TPO: variants seen among roughly 807,000 people sequenced by gnomAD.
TPO encodes thyroid peroxidase.
Under a neutral mutation model 96.9 loss-of-function variants are expected in TPO, and 78 were observed. That is an observed-to-expected ratio of 0.81 (90% CI 0.67 to 0.97). The LOEUF (loss-of-function observed/expected upper bound fraction) is 0.97. Among genes scored for constraint, TPO ranks in the 50% least tolerant of loss-of-function variants. The probability of loss-of-function intolerance (pLI) is 0.00; values close to 1 mark genes in which losing one functional copy is unlikely to be tolerated. For missense variants in TPO, 1,252 were observed against 1,274.8 expected, an observed-to-expected ratio of 0.98 and a Z score of 0.27; for synonymous variants, 547 against 538.0, an observed-to-expected ratio of 1.02 and a Z score of -0.23.
intron 5 of TPO, among the ~76,000 whole-genome samples, chr2:1,441,974 A>G (rs1666239680): frequency 6.6e-6 from 1 of 152,170 alleles, no homozygotes; most frequent in South Asian, 2.1e-4. Flanking sequence ...TCATGGGGGC[A>G]GGTCTTTCTT....
chr2:1,447,450 G>A (rs995675709), intron 5 of TPO, among the ~76,000 whole-genome samples: 32 of 152,210 alleles, frequency 2.1e-4, no homozygotes, highest in African/African-American at 7.5e-4. Flanking sequence ...TTTGATTGAT[G>A]TCTTGTGTCT....
chr2:1,438,779 AT>A (rs3036132), intron 5 of TPO: 134,174 of 629,456 alleles, frequency 0.21, 1,925 homozygotes, highest in Middle Eastern at 0.27. Flanking sequence ...TTAACTGGAG[AT>A]TTTTTTTTTT....
At chr2:1,506,030 TC>T (rs1193484015) in intron 14 of TPO, among the ~76,000 whole-genome samples, 2 of 151,218 alleles carry the variant, frequency 1.3e-5, no homozygotes, top group East Asian at 3.9e-4. Flanking sequence ...ATGCTATCCT[TC>T]CCCCCTCCCC....
At chr2:1,465,948 A>T (rs535642205) in intron 7 of TPO, among the ~76,000 whole-genome samples, 3 of 152,236 alleles carry the variant, frequency 2.0e-5, no homozygotes, top group Admixed American at 6.5e-5. Flanking sequence ...GAGTGGTGAG[A>T]GTAGGCATCC....
At chr2:1,394,167 T>C (rs189105341) in intron 1 of TPO, among the ~76,000 whole-genome samples, 2 of 152,346 alleles carry the variant, frequency 1.3e-5, no homozygotes. Context: ...TAGCACGATA[T>C]GGAGTTGTCC....
chr2:1,483,388 C>G (rs1364336976), intron 8 of TPO, among the ~76,000 whole-genome samples: 1 of 152,134 alleles, frequency 6.6e-6, no homozygotes, highest in South Asian at 2.1e-4. Context: ...TGTCTCAGTC[C>G]CTGGGCTAAA....
In TPO at chr2:1,543,623, T is replaced by C. The variant is rs1680946536; in HGVS notation, c.*1149T>C. The C allele has an allele frequency of 6.6e-6, 1 of 152,210 alleles. No individual in the cohort carries two copies. 9.4% of individuals were successfully genotyped at this position (152,210 alleles called of 1,614,324 possible). A position where few individuals can be genotyped will look rare whatever the true frequency, so the allele number is the denominator to read the frequency against. ...TCTGTGTGTTCCCAAACTCTTAGTT[T>C]TGTTCATGTAAAACTCATGATTTCA... On this transcript the variant is annotated 3_prime_UTR_variant, in exon 17 of 17. Coordinates refer to ENST00000329066, the MANE Select transcript of TPO (RefSeq NM_001206744.2).
chr2:1,520,058 C>T (rs1346427678), intron 15 of TPO, among the ~76,000 whole-genome samples: 8 of 152,126 alleles, frequency 5.3e-5, no homozygotes, highest in Non-Finnish European at 8.8e-5. Flanking sequence ...TGCCATCACA[C>T]GCTTGAGAAC....
At chr2:1,445,970 G>A (rs954637802) in intron 5 of TPO, among the ~76,000 whole-genome samples, 2 of 152,200 alleles carry the variant, frequency 1.3e-5, no homozygotes, top group Non-Finnish European at 2.9e-5. Flanking sequence ...GTACCATGTT[G>A]GATAAGTGGC....
chr2:1,521,653 T>C lies in TPO; in HGVS notation c.2618+4671T>C, dbSNP rs116038800. 5.2e-3 allele frequency among the ~76,000 whole-genome samples: 795 copies of C among 152,164 alleles called. 8 individuals carry two copies. Among genetic ancestry groups the C allele is most frequent in the African/African-American group, 0.018 (763 of 41,504 alleles). On this transcript the variant is annotated intron_variant, in intron 15 of 16. Coordinates refer to ENST00000329066, the MANE Select transcript of TPO (RefSeq NM_001206744.2). ...AAGTCCGAGAGAACTGGCCCTTTGC[T>C]GGGGGACAGACGTAGAGTGGCCAGC...
At chr2:1,493,632 G>A (rs181975706) in intron 10 of TPO, among the ~76,000 whole-genome samples, 170 bp from the exon 11 acceptor site, 1,617 of 142,380 alleles carry the variant, frequency 0.011, 81 homozygotes, top group African/African-American at 0.047. Flanking sequence ...GACTCTGCCG[G>A]GCGTCGGAGC....
At chr2:1,427,205 G>A (rs72776203) in intron 3 of TPO, among the ~76,000 whole-genome samples, 34,374 of 152,200 alleles carry the variant, frequency 0.23, 4,118 homozygotes, top group Admixed American at 0.34. Flanking sequence ...GGGGAGGGGG[G>A]CCCTGTGCCT....
chr2:1,455,571 TA>T (rs773202251), intron 6 of TPO, among the ~76,000 whole-genome samples: 1 of 152,126 alleles, frequency 6.6e-6, no homozygotes, highest in Non-Finnish European at 1.5e-5. Flanking sequence ...GGAACGGTGT[TA>T]AACATAACAG....
intron 7 of TPO, among the ~76,000 whole-genome samples, chr2:1,469,153 C>T (rs1443523326): frequency 6.6e-6 from 1 of 152,186 alleles, no homozygotes; most frequent in Non-Finnish European, 1.5e-5. Context: ...CTTTGCCTTT[C>T]TCTGGTGCCT....
intron 14 of TPO, among the ~76,000 whole-genome samples, chr2:1,516,547 C>T (rs545557619): frequency 1.3e-5 from 2 of 152,326 alleles, no homozygotes; most frequent in South Asian, 2.1e-4. Context: ...TGGTCCACTC[C>T]GAGGGCACTG....
intron 5 of TPO, among the ~76,000 whole-genome samples, chr2:1,439,644 C>A (rs375656478): frequency 1.3e-5 from 2 of 152,160 alleles, no homozygotes; most frequent in African/African-American, 4.8e-5. Context: ...TAAGATACAG[C>A]CTCGTGGTCA....
intron 3 of TPO, among the ~76,000 whole-genome samples, chr2:1,428,700 G>T (rs1171294597): frequency 1.3e-5 from 2 of 152,194 alleles, no homozygotes; most frequent in African/African-American, 4.8e-5. Context: ...AGCACCCTTG[G>T]CCTTCAGATC....
At chr2:1,499,506 C>A (rs1365039731) in intron 13 of TPO, among the ~76,000 whole-genome samples, 1 of 152,184 alleles carries the variant, frequency 6.6e-6, no homozygotes, top group African/African-American at 2.4e-5. Flanking sequence ...GCGTGCACAG[C>A]AGCCAGTGCT....
At chr2:1,506,346 G>T (rs201782557) in intron 14 of TPO, among the ~76,000 whole-genome samples, 1 of 75,978 alleles carries the variant, frequency 1.3e-5, no homozygotes, top group African/African-American at 4.1e-5. Flanking sequence ...ATAAACATAT[G>T]TGTGCATGTG....
Sources: gnomAD v4.1 joint callset for allele counts (sites outside exome capture counted in the v4.1 genomes callset) on GRCh38, gnomAD v4.1.1 for gene constraint, MANE v1.5 for transcripts, NCBI Gene and HGNC (gene_info 2026-07-23, HGNC 2026-07-21) for gene names.